OPCML: variants seen among roughly 807,000 people sequenced by gnomAD.
OPCML encodes the protein opioid-binding protein/cell adhesion molecule.
In OPCML, 13 loss-of-function variants were observed where a neutral mutation model predicts 37.8. The observed-to-expected ratio is 0.34, with a 90% CI of 0.22 to 0.55. The LOEUF (loss-of-function observed/expected upper bound fraction) is 0.55, where lower values mean the gene tolerates loss of function less well. Among genes scored for constraint, OPCML ranks in the 20% least tolerant of loss-of-function variants. OPCML has a pLI of 0.91. For missense variants in OPCML, 341 were observed against 435.6 expected (o/e 0.78, Z 1.93); for synonymous variants, 176 against 168.8 (o/e 1.04, Z -0.33).
intron 1 of OPCML, among the ~76,000 whole-genome samples, chr11:133,235,904 G>T (rs1286917789): frequency 6.6e-6 from 1 of 152,186 alleles, no homozygotes; most frequent in Non-Finnish European, 1.5e-5. Context: ...TTGCATGAAA[G>T]CACCTTCTGA....
intron 1 of OPCML, among the ~76,000 whole-genome samples, chr11:133,231,273 C>A (rs921622377): frequency 2.0e-5 from 3 of 152,072 alleles, no homozygotes; most frequent in African/African-American, 7.2e-5. Context: ...CCTCTTCTAC[C>A]GCTTGATGAG....
At chr11:132,503,913 T>C (rs2096250891) in intron 4 of OPCML, among the ~76,000 whole-genome samples, 1 of 152,144 alleles carries the variant, frequency 6.6e-6, no homozygotes, top group African/African-American at 2.4e-5. Context: ...AAAATACAGA[T>C]GTGGTAGCTA....
chr11:133,037,216 G>T (rs1366876097), intron 1 of OPCML, among the ~76,000 whole-genome samples: 2 of 152,212 alleles, frequency 1.3e-5, no homozygotes, highest in Non-Finnish European at 2.9e-5. Flanking sequence ...TAACTTCAAA[G>T]TTAGTCGGAT....
intron 5 of OPCML, 33 bp from the exon 6 acceptor site, chr11:132,436,812 C>T: frequency 6.2e-7 from 1 of 1,607,312 alleles, no homozygotes; most frequent in Non-Finnish European, 8.5e-7. Context: ...CATGCACAGG[C>T]ATGCACGCAC....
chr11:133,434,129 T>C (rs368827304), intron 1 of OPCML, among the ~76,000 whole-genome samples: 7 of 152,204 alleles, frequency 4.6e-5, no homozygotes, highest in Non-Finnish European at 8.8e-5. Flanking sequence ...TTTTTTTGTA[T>C]TTTTACATTG....
At chr11:133,466,590 C>T (rs565924270) in intron 1 of OPCML, among the ~76,000 whole-genome samples, 64 of 152,356 alleles carry the variant, frequency 4.2e-4, no homozygotes, top group African/African-American at 1.4e-3. Context: ...ACTATGCGAA[C>T]ATTCGCTACC....
At chr11:132,612,778 C>T (rs915112452) in intron 3 of OPCML, among the ~76,000 whole-genome samples, 2 of 152,118 alleles carry the variant, frequency 1.3e-5, no homozygotes, top group Non-Finnish European at 2.9e-5. Context: ...CCAGAGCAAA[C>T]GTGCACTAGC....
At chr11:133,420,725 G>C (rs1185785337) in intron 1 of OPCML, 2 of 985,264 alleles carry the variant, frequency 2.0e-6, no homozygotes, top group Non-Finnish European at 2.4e-6. Flanking sequence ...CATGTCAAGG[G>C]CTTGGGGACT....
intron 1 of OPCML, among the ~76,000 whole-genome samples, chr11:133,157,628 G>T (rs1425802309): frequency 2.0e-5 from 3 of 152,064 alleles, no homozygotes; most frequent in Non-Finnish European, 4.4e-5. Context: ...CTTCTGCTTT[G>T]CATCTTTCCA....
At chr11:132,786,208 A>G (rs2136165822) in intron 2 of OPCML, among the ~76,000 whole-genome samples, 1 of 152,330 alleles carries the variant, frequency 6.6e-6, no homozygotes, top group Admixed American at 6.5e-5. Context: ...AAGAGTCATG[A>G]AAATTGTCAT....
chr11:133,207,545 A>G (rs112282108), intron 1 of OPCML, among the ~76,000 whole-genome samples: 2 of 152,208 alleles, frequency 1.3e-5, no homozygotes, highest in African/African-American at 4.8e-5. Flanking sequence ...TCGCTCTGTC[A>G]CTAAGCCTCA....
intron 2 of OPCML, among the ~76,000 whole-genome samples, chr11:132,737,789 T>A (rs1432297875): frequency 1.3e-5 from 2 of 152,190 alleles, no homozygotes; most frequent in Non-Finnish European, 2.9e-5. Flanking sequence ...TATTCTGGTA[T>A]AGTCTTAGAA....
At chr11:133,279,551 AGTT>A (rs772889019) in intron 1 of OPCML, among the ~76,000 whole-genome samples, 30 of 152,176 alleles carry the variant, frequency 2.0e-4, no homozygotes, top group Non-Finnish European at 3.4e-4. Flanking sequence ...CCTCTGCCAG[AGTT>A]CCCTGCAGCT....
At chr11:132,555,494 C>T (rs1319295225) in intron 3 of OPCML, among the ~76,000 whole-genome samples, 1 of 152,064 alleles carries the variant, frequency 6.6e-6, no homozygotes, top group Non-Finnish European at 1.5e-5. Context: ...CCACCAGGTC[C>T]CTCCCACAAC....
chr11:133,141,032 ACGACGAC>A (rs1565469119), intron 1 of OPCML, among the ~76,000 whole-genome samples: 4 of 26,676 alleles, frequency 1.5e-4, no homozygotes, highest in African/African-American at 2.7e-4. Flanking sequence ...GACGACGACG[ACGACGAC>A]GACGACGACG....
At chr11:133,437,416 C>T (rs969789904) in intron 1 of OPCML, among the ~76,000 whole-genome samples, 3 of 152,150 alleles carry the variant, frequency 2.0e-5, no homozygotes, top group Admixed American at 6.5e-5. Context: ...ACAGTGTAAA[C>T]GCTTCAGCAT....
At chr11:133,195,603 G>C (rs1297312616) in intron 1 of OPCML, among the ~76,000 whole-genome samples, 1 of 152,208 alleles carries the variant, frequency 6.6e-6, no homozygotes. Context: ...CATGGTATCT[G>C]TGTAGGATTC....
chr11:132,489,382 A>C (rs902868488), intron 4 of OPCML, among the ~76,000 whole-genome samples: 2 of 152,226 alleles, frequency 1.3e-5, no homozygotes, highest in African/African-American at 4.8e-5. Context: ...AAAATATATA[A>C]GTAAAAGGAG....
At chr11:132,870,678 GT>G (rs1182659695) in intron 2 of OPCML, among the ~76,000 whole-genome samples, 17 of 152,198 alleles carry the variant, frequency 1.1e-4, no homozygotes, top group Non-Finnish European at 2.4e-4. Context: ...AGACGAATGG[GT>G]GAGGAAAATG....
Sources: gnomAD v4.1 joint callset for allele counts (sites outside exome capture counted in the v4.1 genomes callset) on GRCh38, gnomAD v4.1.1 for gene constraint, MANE v1.5 for transcripts, NCBI Gene and HGNC (gene_info 2026-07-23, HGNC 2026-07-21) for gene names.